Variants in PCDHGA5 observed in about 807,000 individuals in gnomAD.
The protein encoded by PCDHGA5 is protocadherin gamma-A5.
A neutral mutation model predicts 56.7 loss-of-function variants in PCDHGA5; 36 were observed. That is an observed-to-expected ratio of 0.64 (90% CI 0.49 to 0.84). The LOEUF (loss-of-function observed/expected upper bound fraction) is 0.84. Among genes scored for constraint, PCDHGA5 ranks in the 40% least tolerant of loss-of-function variants. The pLI, the probability that PCDHGA5 is intolerant of heterozygous loss-of-function variation, is 0.00. For synonymous variants in PCDHGA5, 563 were observed against 520.2 expected, an observed-to-expected ratio of 1.08 and a Z score of -1.12; for missense variants, 1,305 against 1,201.5, an observed-to-expected ratio of 1.09 and a Z score of -1.27.
intron 1 of PCDHGA5, chr5:141,372,605 T>A: frequency 6.2e-7 from 1 of 1,614,050 alleles, no homozygotes; most frequent in Non-Finnish European, 8.5e-7. Context: ...AGACTGTACC[T>A]GGAGTTCTCC....
At chr5:141,413,369 A>G (rs767278842) in intron 1 of PCDHGA5, 1 of 1,613,964 alleles carries the variant, frequency 6.2e-7, no homozygotes, top group South Asian at 1.1e-5. Context: ...GAGCTGGCGG[A>G]GCGCGGAGTC....
At position 141,413,783 on chromosome 5, in the gene PCDHGA5, C is replaced by T. The variant is rs1418394305; in HGVS notation, c.2421+47032C>T. 3.7e-6 allele frequency: 6 copies of T among 1,613,096 alleles called. No individual in the cohort carries two copies. Among genetic ancestry groups the T allele is most frequent in the Non-Finnish European group, 4.2e-6 (5 of 1,179,878 alleles). On this transcript the variant is annotated intron_variant, in intron 1 of 3. Coordinates refer to ENST00000518069, the MANE Select transcript of PCDHGA5 (RefSeq NM_018918.3). ...TACCCGGAGCTGGTACTGGAGCACT[C>T]CCTAGATCGCGAGGAAGAGGCCATT...
chr5:141,423,268 T>G (rs752667215), intron 1 of PCDHGA5: 1 of 1,613,552 alleles, frequency 6.2e-7, no homozygotes, highest in South Asian at 1.1e-5. Flanking sequence ...CAGCCTCGAG[T>G]CTCTGGCTAA....
At chr5:141,371,894 G>A in intron 1 of PCDHGA5, 4 of 1,613,426 alleles carry the variant, frequency 2.5e-6, no homozygotes, top group Non-Finnish European at 3.4e-6. Flanking sequence ...AGCCGCGGGA[G>A]CTGTCGTCCT....
Position 141,421,318 on chromosome 5 carries a change from C to T in PCDHGA5, c.2421+54567C>T, listed in dbSNP as rs370020854. 5.6e-6 allele frequency: 9 copies of T among 1,613,824 alleles called. No homozygotes were observed. In the East Asian group the frequency reaches 2.0e-4, roughly 36 times the overall value. On this transcript the variant is annotated intron_variant, in intron 1 of 3. Coordinates refer to ENST00000518069, the MANE Select transcript of PCDHGA5 (RefSeq NM_018918.3). ...GACGCTGCGGGGGTTCCGGGCCAGG[C>T]AGATCCGATATTCGGTGCCAGAAGA...
chr5:141,421,487 C>G (rs1447180364), intron 1 of PCDHGA5: 2 of 1,614,094 alleles, frequency 1.2e-6, no homozygotes, highest in Non-Finnish European at 1.7e-6. Context: ...AGCTTGATCA[C>G]GGCAGGCAGG....
intron 1 of PCDHGA5, chr5:141,428,296 AT>A: frequency 1.4e-6 from 1 of 713,574 alleles, no homozygotes; most frequent in Non-Finnish European, 2.5e-6. Flanking sequence ...AAAGCTGCAG[AT>A]TTACCTGGTC....
intron 2 of PCDHGA5, among the ~76,000 whole-genome samples, chr5:141,497,880 T>C (rs2099780200): frequency 6.6e-6 from 1 of 152,170 alleles, no homozygotes; most frequent in Non-Finnish European, 1.5e-5. Context: ...GAAATAAGCG[T>C]TAGGATCTAG....
chr5:141,383,948 C>A, intron 1 of PCDHGA5: 1 of 1,613,600 alleles, frequency 6.2e-7, no homozygotes, highest in South Asian at 1.1e-5. Flanking sequence ...GTGACTATGA[C>A]GTCTTTAAGT....
At position 141,490,148 on chromosome 5, in the gene PCDHGA5, A is replaced by G. The variant is rs2154582223; in HGVS notation, c.2422-4659A>G. The G allele has an allele frequency of 1.2e-6, 2 of 1,614,232 alleles. No homozygotes were observed. The highest frequency in any genetic ancestry group is 4.5e-5 in the East Asian group (2 of 44,888). On this transcript the variant is annotated intron_variant, in intron 1 of 3. Coordinates refer to ENST00000518069, the MANE Select transcript of PCDHGA5 (RefSeq NM_018918.3). The surrounding 1 kb of genome is among the most constrained non-coding windows in gnomAD (Gnocchi z 5.4). The stretch of plus-strand genomic sequence containing the variant: ...CTAGACCCTAGCAGTGGGGCAATCC[A>G]TGTGTTGGGTCCCATAGACTTTGAG...
chr5:141,410,553 C>T, intron 1 of PCDHGA5: 1 of 1,613,232 alleles, frequency 6.2e-7, no homozygotes. Context: ...TGCAGTGTTT[C>T]TCCTGGAGCC....
chr5:141,367,484 C>A (rs1377181139), intron 1 of PCDHGA5: 13 of 152,012 alleles, frequency 8.6e-5, no homozygotes, highest in Admixed American at 8.5e-4. Flanking sequence ...TTGCAGTAAG[C>A]CGAGATCGCG....
intron 1 of PCDHGA5, among the ~76,000 whole-genome samples, chr5:141,429,377 GT>G (rs566693637): frequency 1.3e-4 from 20 of 149,526 alleles, no homozygotes; most frequent in South Asian, 8.5e-4. Flanking sequence ...GAGAAAATGT[GT>G]TTTTTTTTTA....
intron 1 of PCDHGA5, chr5:141,371,043 G>T: frequency 1.2e-6 from 2 of 1,613,966 alleles, no homozygotes; most frequent in Non-Finnish European, 1.7e-6. Flanking sequence ...AGCTGTGGAT[G>T]GGGGCGAGCC....
At chr5:141,438,591 CATAT>C (rs946798767) in intron 1 of PCDHGA5, among the ~76,000 whole-genome samples, 213 of 75,464 alleles carry the variant, frequency 2.8e-3, no homozygotes, top group African/African-American at 5.5e-3. Flanking sequence ...TACATACATA[CATAT>C]ATATATATAT....
At chr5:141,440,868 T>A (rs1288344051) in intron 1 of PCDHGA5, 1 of 152,150 alleles carries the variant, frequency 6.6e-6, no homozygotes, top group East Asian at 1.9e-4. Flanking sequence ...ATCTAGGATG[T>A]GTACAGCGTC....
At chr5:141,403,577 C>T (rs1188693688) in intron 1 of PCDHGA5, 2 of 1,613,812 alleles carry the variant, frequency 1.2e-6, no homozygotes, top group South Asian at 1.1e-5. Context: ...AACTGCCCAC[C>T]ACCTGGTCCT....
At chr5:141,404,112 A>G (rs372014000) in intron 1 of PCDHGA5, 3 of 1,613,380 alleles carry the variant, frequency 1.9e-6, no homozygotes, top group Non-Finnish European at 2.5e-6. Context: ...TGTTCTATCC[A>G]GGAGAATCTA....
At chr5:141,392,719 C>T (rs1044889578) in intron 1 of PCDHGA5, 60 of 1,382,980 alleles carry the variant, frequency 4.3e-5, no homozygotes, top group African/African-American at 2.9e-5. Context: ...TCCAGGTTTC[C>T]GGAGGATTGT....
Sources: gnomAD v4.1 joint callset for allele counts (sites outside exome capture counted in the v4.1 genomes callset) on GRCh38, gnomAD v4.1.1 for gene constraint, Gnocchi (gnomAD v3.1) non-coding constraint, MANE v1.5 for transcripts, NCBI Gene and HGNC (gene_info 2026-07-23, HGNC 2026-07-21) for gene names.